The following STK32B variants were observed in gnomAD, a reference collection of about 807,000 sequenced individuals.
STK32B encodes the protein serine/threonine kinase 32B, also known as serine/threonine-protein kinase 32B.
In STK32B, 43 loss-of-function variants were observed where a neutral mutation model predicts 52.6. The ratio of observed to expected loss-of-function variants is 0.82; its 90% CI spans 0.64 to 1.05. The LOEUF is 1.05. Among genes scored for constraint, STK32B ranks in the 50% least tolerant of loss-of-function variants. The pLI, the probability that STK32B is intolerant of heterozygous loss-of-function variation, is 0.00. For synonymous variants in STK32B, 238 were observed against 204.3 expected, an observed-to-expected ratio of 1.17 and a Z score of -1.41; for missense variants, 621 against 534.6, an observed-to-expected ratio of 1.16 and a Z score of -1.59.
At chr4:5,342,180 G>A (rs10026031) in intron 4 of STK32B, among the ~76,000 whole-genome samples, 1,710 of 152,144 alleles carry the variant, frequency 0.011, 21 homozygotes, top group South Asian at 0.057. Flanking sequence ...CCACTGGGTC[G>A]CCAGTGATCT....
intron 3 of STK32B, among the ~76,000 whole-genome samples, chr4:5,206,780 A>C (rs745786471): frequency 3.9e-5 from 6 of 152,208 alleles, no homozygotes; most frequent in Non-Finnish European, 7.3e-5. Context: ...GACACATCCA[A>C]GAAGGAGCCT....
intron 3 of STK32B, among the ~76,000 whole-genome samples, chr4:5,223,097 T>A (rs1451925092): frequency 6.6e-6 from 1 of 152,180 alleles, no homozygotes; most frequent in East Asian, 1.9e-4. Flanking sequence ...TTGGTTACCA[T>A]AGCCATAGCT....
At chr4:5,420,490 T>C (rs1314166526) in intron 6 of STK32B, among the ~76,000 whole-genome samples, 1 of 152,088 alleles carries the variant, frequency 6.6e-6, no homozygotes, top group African/African-American at 2.4e-5. Flanking sequence ...GTCTCTGGAT[T>C]GTGCAGCAGA....
At chr4:5,111,888 C>A (rs1391936392) in intron 1 of STK32B, among the ~76,000 whole-genome samples, 1 of 152,038 alleles carries the variant, frequency 6.6e-6, no homozygotes, top group Non-Finnish European at 1.5e-5. Context: ...AGGAAACAGG[C>A]AGGAAGAGAA....
intron 4 of STK32B, among the ~76,000 whole-genome samples, chr4:5,341,327 T>C (rs1733061985): frequency 6.6e-6 from 1 of 152,174 alleles, no homozygotes; most frequent in South Asian, 2.1e-4. Context: ...CCACTACACC[T>C]TGTTGCCTCC....
At chr4:5,336,136 T>A (rs62297270) in intron 4 of STK32B, among the ~76,000 whole-genome samples, 45,374 of 144,586 alleles carry the variant, frequency 0.31, 11,572 homozygotes, top group African/African-American at 0.7. Flanking sequence ...CTGAACATAA[T>A]CATACTAGAT....
At chr4:5,184,684 C>CAAAAAA (rs1553846538) in intron 3 of STK32B, among the ~76,000 whole-genome samples, 19,588 of 104,540 alleles carry the variant, frequency 0.19, 2,046 homozygotes, top group East Asian at 0.27. Context: ...GAGACTGTCT[C>CAAAAAA]AAAAAAAAAA....
chr4:5,039,507 C>A, the STK32B span, among the ~76,000 whole-genome samples: 1 of 152,162 alleles, frequency 6.6e-6, no homozygotes, highest in Non-Finnish European at 1.5e-5. Flanking sequence ...GATAACAATG[C>A]CTTCTTCTAG....
intron 1 of STK32B, among the ~76,000 whole-genome samples, chr4:5,129,365 G>A (rs921020401): frequency 2.6e-5 from 4 of 152,146 alleles, no homozygotes; most frequent in African/African-American, 9.7e-5. Context: ...CCTTCCTCAA[G>A]CTCTGGTGGA....
rs574372641 is a variant in STK32B, at chr4:5,371,498, T to C, written c.435-26709T>C. The stretch of plus-strand genomic sequence containing the variant: ...CAGGGGAGCCTGTCTAAAGTTTGGT[T>C]AAGGAGAGAGTCTTTGTCATTCCTG... On this transcript the variant is annotated intron_variant, in intron 4 of 11. Coordinates refer to ENST00000282908, the MANE Select transcript of STK32B (RefSeq NM_018401.3). Among the ~76,000 whole-genome samples, 259 of 152,280 alleles carry C rather than the reference T, an allele frequency of 1.7e-3. 1 individual carries two copies. Among genetic ancestry groups the C allele is most frequent in the African/African-American group, 5.1e-3 (211 of 41,554 alleles).
At chr4:5,220,073 G>C (rs1256073836) in intron 3 of STK32B, among the ~76,000 whole-genome samples, 1 of 151,972 alleles carries the variant, frequency 6.6e-6, no homozygotes, top group Admixed American at 6.6e-5. Flanking sequence ...TGTTTGAAAG[G>C]AAAAAAAGAC....
chr4:5,254,609 A>G (rs1431421497), intron 3 of STK32B, among the ~76,000 whole-genome samples: 4 of 152,190 alleles, frequency 2.6e-5, no homozygotes, highest in African/African-American at 9.7e-5. Context: ...CAATTTCTAT[A>G]GTAATTTCCA....
In STK32B at chr4:5,341,878, G is replaced by A. The variant is rs867189378; in HGVS notation, c.434+10485G>A. On this transcript the variant is annotated intron_variant, in intron 4 of 11. Coordinates refer to ENST00000282908, the MANE Select transcript of STK32B (RefSeq NM_018401.3). ...TTTTTAAAAATACTTTAAATTCTAG[G>A]GTACATGTGCACAACCTTCAGGTTT... is the stretch of plus-strand genomic sequence containing the variant. Among the ~76,000 whole-genome samples, 8 of 152,060 alleles carry A rather than the reference G, an allele frequency of 5.3e-5. No homozygotes were observed. In the South Asian group the frequency reaches 1.7e-3, roughly 32 times the overall value.
At chr4:5,129,534 T>C (rs1715619765) in intron 1 of STK32B, among the ~76,000 whole-genome samples, 1 of 152,244 alleles carries the variant, frequency 6.6e-6, no homozygotes, top group African/African-American at 2.4e-5. Flanking sequence ...TCAAAACTTA[T>C]TTGGCAGAAC....
At chr4:5,317,393 AATAT>A (rs1473627512) in intron 3 of STK32B, among the ~76,000 whole-genome samples, 1,379 of 82,620 alleles carry the variant, frequency 0.017, 61 homozygotes, top group Non-Finnish European at 0.022. Flanking sequence ...ACATATATAT[AATAT>A]ATATAATGTA....
chr4:5,049,547 G>A (rs529268232), upstream of STK32B, among the ~76,000 whole-genome samples: 14 of 152,292 alleles, frequency 9.2e-5, no homozygotes, highest in Non-Finnish European at 1.5e-4. Flanking sequence ...AGGCAGGGGC[G>A]AGGGTCACAA....
chr4:5,455,906 C>G (rs1371304746), intron 7 of STK32B, among the ~76,000 whole-genome samples: 1 of 152,198 alleles, frequency 6.6e-6, no homozygotes. Context: ...CAGATTTCTC[C>G]AGGATCAGTT....
intron 3 of STK32B, among the ~76,000 whole-genome samples, chr4:5,294,002 A>G (rs537743694): frequency 6.6e-6 from 1 of 152,178 alleles, no homozygotes; most frequent in African/African-American, 2.4e-5. Flanking sequence ...AGTTTTCTGC[A>G]TATGCCTAGC....
intron 5 of STK32B, among the ~76,000 whole-genome samples, chr4:5,404,863 A>ATTTT (rs58235629): frequency 1.8e-5 from 2 of 113,182 alleles, no homozygotes; most frequent in Non-Finnish European, 3.5e-5. Context: ...TCTGTATGCG[A>ATTTT]TTTTTTTTTT....
Sources: allele counts gnomAD v4.1 joint callset (sites outside exome capture counted in the v4.1 genomes callset), GRCh38; gene constraint gnomAD v4.1.1; transcripts MANE v1.5; gene names NCBI Gene and HGNC (gene_info 2026-07-23, HGNC 2026-07-21).